Variants in C2orf72 observed in about 807,000 individuals in gnomAD.
C2orf72 encodes the protein chromosome 2 open reading frame 72, also known as uncharacterized protein C2orf72.
In C2orf72, 16 loss-of-function variants were observed where a neutral mutation model predicts 14.4. That is an observed-to-expected ratio of 1.11 (90% CI 0.75 to 1.69). The LOEUF (loss-of-function observed/expected upper bound fraction) is 1.69. Ranked by LOEUF, C2orf72 falls within the 40% of genes most tolerant of loss-of-function variation. The pLI, the probability that C2orf72 is intolerant of heterozygous loss-of-function variation, is 0.00. For synonymous variants in C2orf72, 168 were observed against 176.8 expected, an observed-to-expected ratio of 0.95 and a Z score of 0.40; for missense variants, 371 against 358.3, an observed-to-expected ratio of 1.04 and a Z score of -0.29.
At chr2:231,038,680 G>A (rs1468771360) in intron 1 of C2orf72, among the ~76,000 whole-genome samples, 1 of 152,158 alleles carries the variant, frequency 6.6e-6, no homozygotes, top group Non-Finnish European at 1.5e-5. Context: ...AGGAGGGGCG[G>A]AGGGGCATCT....
At chr2:231,046,414 C>T (rs970054705) in intron 2 of C2orf72, among the ~76,000 whole-genome samples, 1 of 151,502 alleles carries the variant, frequency 6.6e-6, no homozygotes, top group African/African-American at 2.4e-5. Context: ...GTTCACTCAA[C>T]CAGTCCCATT....
Position 231,047,356 on chromosome 2 carries a change from T to G in C2orf72, c.*335T>G. The G allele has an allele frequency of 5.1e-6, 2 of 395,308 alleles. No homozygotes were observed. The highest frequency in any genetic ancestry group is 4.1e-5 in the South Asian group (2 of 49,070). The allele number at this position is 395,308 out of a possible 1,614,324, so 24.5% of individuals were successfully genotyped here. ...GTGGCACCCCATGGTGTGTCTGCAGTGTTCTGGGCACATGCATGGGCACCC... is the reference window on the plus strand; with the variant it reads ...GTGGCACCCCATGGTGTGTCTGCAGGGTTCTGGGCACATGCATGGGCACCC... On this transcript the variant is annotated 3_prime_UTR_variant, in exon 3 of 3. Transcript: ENST00000373640.
rs34513584 is a variant in C2orf72 at position 231,046,291 on chromosome 2, AGTGTGTGTGTGTGTGT to A, written c.749-558_749-543del. ...GATTTCCCCAATTTTACTTCTATGC[AGTGTGTGTGTGTGTGT>A]GTGTGTGTGTGTGTGTGTGTGTGTG... On this transcript the variant is annotated intron_variant, in intron 2 of 2. Coordinates refer to ENST00000373640, the MANE Select transcript of C2orf72 (RefSeq NM_001144994.2). Among the ~76,000 whole-genome samples the A allele has an allele frequency of 4.8e-3, 656 of 136,280 alleles. 1 individual carries two copies. Among genetic ancestry groups the A allele is most frequent in the African/African-American group, 5.8e-3 (217 of 37,156 alleles). The allele number at this position is 136,280 out of a possible 152,430, so 89.4% of individuals were successfully genotyped here.
At chr2:231,040,131 G>C (rs1693320107) in intron 1 of C2orf72, among the ~76,000 whole-genome samples, 2 of 152,090 alleles carry the variant, frequency 1.3e-5, no homozygotes, top group African/African-American at 4.8e-5. Flanking sequence ...AATCCCATTT[G>C]TGCATTCAGA....
At position 231,041,345 on chromosome 2, in the gene C2orf72, T is replaced by C; in HGVS notation, c.684T>C (p.Phe228=). ...RPGLPGLLAC[F]SWGPWSRRKN... is the part of the protein sequence containing the mutation. ...GCCTCCCCGGACTGCTAGCCTGCTT[T>C]TCCTGGGGTCCCTGGAGCCGGAGGA... The change falls in exon 2 of 3, where the codon TTT becomes TTC. Residue 228 remains phenylalanine (F), a synonymous_variant. Coordinates refer to ENST00000373640, the MANE Select transcript of C2orf72 (RefSeq NM_001144994.2). The C allele has an allele frequency of 6.4e-7, 1 of 1,551,572 alleles. No individual in the cohort carries two copies. The highest frequency in any genetic ancestry group is 8.7e-7 in the Non-Finnish European group (1 of 1,146,928).
In C2orf72 at chr2:231,047,244, A is replaced by G. The variant is rs550880291; in HGVS notation, c.*223A>G. ...CCCCACCCAGCATTTGCTAAGTCTGATCACAGGGAGGTTATTTTGTCTCTC... is the reference window on the plus strand; with the variant it reads ...CCCCACCCAGCATTTGCTAAGTCTGGTCACAGGGAGGTTATTTTGTCTCTC... On this transcript the variant is annotated 3_prime_UTR_variant, in exon 3 of 3. Transcript: ENST00000373640. 3.0e-6 allele frequency: 2 copies of G among 659,134 alleles called. No homozygotes were observed. The highest frequency in any genetic ancestry group is 5.6e-6 in the Non-Finnish European group (2 of 360,338). The allele number at this position is 659,134 out of a possible 1,614,324, so 40.8% of individuals were successfully genotyped here.
At chr2:231,043,152 A>C (rs1693366008) in intron 2 of C2orf72, among the ~76,000 whole-genome samples, 1 of 152,236 alleles carries the variant, frequency 6.6e-6, no homozygotes, top group Non-Finnish European at 1.5e-5. Context: ...CTCTCACAAG[A>C]GATCCTCCTT....
intron 2 of C2orf72, among the ~76,000 whole-genome samples, chr2:231,046,324 G>GTA (rs1693415353): frequency 6.6e-6 from 1 of 151,104 alleles, no homozygotes; most frequent in Non-Finnish European, 1.5e-5. Flanking sequence ...GTGTGTGTGT[G>GTA]TGTGTGTGTG....
At chr2:231,039,209 A>G (rs1693306166) in intron 1 of C2orf72, among the ~76,000 whole-genome samples, 1 of 151,706 alleles carries the variant, frequency 6.6e-6, no homozygotes, top group Non-Finnish European at 1.5e-5. Context: ...GCATTAGGAG[A>G]TATACCTAAT....
chr2:231,044,960 T>TAC (rs1379158151), intron 2 of C2orf72, among the ~76,000 whole-genome samples: 13 of 147,318 alleles, frequency 8.8e-5, no homozygotes, highest in African/African-American at 2.8e-4. Flanking sequence ...TATATATATA[T>TAC]ATACACACAC....
intron 1 of C2orf72, among the ~76,000 whole-genome samples, chr2:231,039,503 T>C (rs1019137515): frequency 6.6e-6 from 1 of 151,804 alleles, no homozygotes; most frequent in Admixed American, 6.6e-5. Flanking sequence ...TTGGCGTTGG[T>C]TGGGGGGCGG....
Position 231,037,883 on chromosome 2 carries a change from G to GGTCTTCGTGCTGTGCCGCGC in C2orf72, c.322_341dup (p.Leu116CysfsTer117). The GGTCTTCGTGCTGTGCCGCGC allele has an allele frequency of 3.0e-6, 3 of 990,884 alleles. No individual in the cohort carries two copies. The highest frequency in any genetic ancestry group is 3.6e-6 in the Non-Finnish European group (3 of 836,496). 61.4% of individuals were successfully genotyped at this position (990,884 alleles called of 1,614,324 possible). ...CGGCGCGCGCCATCCGCTCGCCGCTGGTCTTCGTGCTGTGCCGCGCGTCGT... is the reference window on the plus strand; with the variant it reads ...CGGCGCGCGCCATCCGCTCGCCGCTGGTCTTCGTGCTGTGCCGCGCGTCTTCGTGCTGTGCCGCGCGTCGT... On this transcript the variant is annotated frameshift_variant, in exon 1 of 3. Coordinates refer to ENST00000373640, the MANE Select transcript of C2orf72 (RefSeq NM_001144994.2). LOFTEE classifies it high-confidence loss of function.
Position 231,049,314 on chromosome 2 carries a change from T to G in C2orf72, c.*2293T>G, listed in dbSNP as rs1693460253. On this transcript the variant is annotated 3_prime_UTR_variant, in exon 3 of 3. Coordinates refer to ENST00000373640, the MANE Select transcript of C2orf72 (RefSeq NM_001144994.2). ...AGTCTTCATTTACTAAGATTTGGGT[T>G]CTGCCTCCCAAGTGACAATACGGGG... 6.6e-6 allele frequency: 1 copy of G among 152,290 alleles called. No homozygotes were observed. Among genetic ancestry groups the G allele is most frequent in the Non-Finnish European group, 1.5e-5 (1 of 68,066 alleles). The allele number at this position is 152,290 out of a possible 1,614,324, so 9.4% of individuals were successfully genotyped here.
At position 231,041,381 on chromosome 2, in the gene C2orf72, T is replaced by A. The variant is rs936407732; in HGVS notation, c.720T>A (p.Asp240Glu). 1.3e-6 allele frequency: 2 copies of A among 1,551,388 alleles called. No homozygotes were observed. Among genetic ancestry groups the A allele is most frequent in the African/African-American group, 2.7e-5 (2 of 73,012 alleles). Reference protein sequence around the residue: ...WGPWSRRKNQDVAACRSSAQE... With the variant: ...WGPWSRRKNQEVAACRSSAQE... ...CCTGGAGCCGGAGGAAGAACCAGGATGTTGCTGCCTGCAGAAGCTCAGCTC... is the reference window on the plus strand; with the variant it reads ...CCTGGAGCCGGAGGAAGAACCAGGAAGTTGCTGCCTGCAGAAGCTCAGCTC... Residue 240 changes from aspartate to glutamate, a missense_variant, in exon 2 of 3, where the codon GAT becomes GAA. Transcript: ENST00000373640.
Position 231,037,951 on chromosome 2 carries a change from T to C in C2orf72, c.386T>C (p.Leu129Pro). The C allele has an allele frequency of 9.8e-7, 1 of 1,015,766 alleles. No homozygotes were observed. Among genetic ancestry groups the C allele is most frequent in the South Asian group, 4.4e-5 (1 of 22,838 alleles). 62.9% of individuals were successfully genotyped at this position (1,015,766 alleles called of 1,614,324 possible). Residue 129 changes from leucine to proline, a missense_variant, in exon 1 of 3, where the codon CTG becomes CCG. This residue lies in a region of C2orf72 where 214 missense variants were observed against 178.7 expected (regional missense o/e 1.20). Transcript: ENST00000373640. The stretch of plus-strand genomic sequence containing the variant: ...CCGCGGCGCCGCCTGCGGGAGATGC[T>C]GCGGGACGTGCGCGGCCGGCGGCGG... ...REPRRRLREM[L>P]RDVRGRRRAG...
rs1174197705 is a variant in C2orf72, at chr2:231,047,263, GTC to G, written c.*248_*249del. Reference sequence around the variant, plus strand: ...AGTCTGATCACAGGGAGGTTATTTTGTCTCTCTGTCTCGGTTTCTCTGAGCCA... The same window carrying G: ...AGTCTGATCACAGGGAGGTTATTTTGTCTCTGTCTCGGTTTCTCTGAGCCA... On this transcript the variant is annotated 3_prime_UTR_variant, in exon 3 of 3. Transcript: ENST00000373640. 15 of 592,636 alleles carry G rather than the reference GTC, an allele frequency of 2.5e-5. No homozygotes were observed. The highest frequency in any genetic ancestry group is 6.8e-5 in the Admixed American group (3 of 43,974). The allele number at this position is 592,636 out of a possible 1,614,324, so 36.7% of individuals were successfully genotyped here. A position where few individuals can be genotyped will look rare whatever the true frequency, so the allele number is the denominator to read the frequency against.
At chr2:231,043,853 G>A (rs1418517101) in intron 2 of C2orf72, among the ~76,000 whole-genome samples, 1 of 152,088 alleles carries the variant, frequency 6.6e-6, no homozygotes, top group Non-Finnish European at 1.5e-5. Flanking sequence ...TTAATGACAG[G>A]GATATACATT....
At position 231,038,137 on chromosome 2, in the gene C2orf72, C is replaced by G; in HGVS notation, c.572C>G (p.Ser191Cys). 2 of 1,185,308 alleles carry G rather than the reference C, an allele frequency of 1.7e-6. No individual in the cohort carries two copies. Among genetic ancestry groups the G allele is most frequent in the Non-Finnish European group, 1.0e-6 (1 of 957,950 alleles). The allele number at this position is 1,185,308 out of a possible 1,614,324, so 73.4% of individuals were successfully genotyped here. Residue 191 changes from serine (S) to cysteine (C), a missense_variant, in exon 1 of 3, where the codon TCC becomes TGC. Ser to Cys is a moderately radical substitution (Grantham distance 112). Around this residue, in one of 3 missense-constraint regions of C2orf72, gnomAD observed 145 missense variants for 149.4 expected, o/e 0.97. Coordinates refer to ENST00000373640, the MANE Select transcript of C2orf72 (RefSeq NM_001144994.2). ...AAAYCPGLPA[S>C]CLAVQAAACR... is the part of the protein sequence containing the mutation. ...GCCTACTGCCCCGGCCTCCCGGCCT[C>G]CTGCCTGGCCGTCCAGGCGGCCGCC...
rs1455724250 is a variant in C2orf72, at chr2:231,037,597, G to A, written c.32G>A (p.Arg11Gln). Residue 11 changes from arginine to glutamine, a missense_variant, in exon 1 of 3, where the codon CGG (arginine) becomes CAG (glutamine). By Grantham distance (43) the Arg-to-Gln change is conservative (BLOSUM62 1). This residue lies in a region of C2orf72 where 214 missense variants were observed against 178.7 expected (regional missense o/e 1.20). Transcript: ENST00000373640. MERELEALAA[R>Q]LARPAEPPFQ... ...CGCGAGCTGGAGGCGCTGGCGGCCC[G>A]GCTTGCGCGCCCTGCCGAGCCGCCC... The A allele has an allele frequency of 5.6e-6, 6 of 1,070,266 alleles. No individual in the cohort carries two copies. The highest frequency in any genetic ancestry group is 6.8e-6 in the Non-Finnish European group (6 of 885,310). 66.3% of individuals were successfully genotyped at this position (1,070,266 alleles called of 1,614,324 possible).
Sources: allele counts gnomAD v4.1 joint callset (sites outside exome capture counted in the v4.1 genomes callset), GRCh38; gene constraint gnomAD v4.1.1; regional missense constraint gnomAD v4.1.1; transcripts MANE v1.5; gene names NCBI Gene and HGNC (gene_info 2026-07-23, HGNC 2026-07-21).